CRLF3: variants seen among roughly 807,000 people sequenced by gnomAD.
The protein encoded by CRLF3 is cytokine receptor-like factor 3.
A neutral mutation model predicts 55.0 loss-of-function variants in CRLF3; 33 were observed. The observed-to-expected ratio is 0.60, with a 90% CI of 0.46 to 0.80. The LOEUF (loss-of-function observed/expected upper bound fraction) is 0.80. CRLF3 is among the 30% of genes least tolerant of loss of function. The pLI is 0.00. For missense variants in CRLF3, 494 were observed against 538.4 expected (o/e 0.92, Z 0.82); for synonymous variants, 238 against 196.8 (o/e 1.21, Z -1.75).
chr17:30,824,086 C>G (rs550420922), intron 1 of CRLF3, among the ~76,000 whole-genome samples: 10 of 152,126 alleles, frequency 6.6e-5, no homozygotes, highest in African/African-American at 2.4e-4. Flanking sequence ...TCCATTTTGT[C>G]TCCACTTTCA....
rs76079056 is a variant in CRLF3, at chr17:30,786,013, C to G, written c.978G>C (p.Gln326His). Reference protein sequence around the residue: ...TLTFRVETVGQPDRRDSIGVC... With the variant: ...TLTFRVETVGHPDRRDSIGVC... ...CTCCTATGCTATCTCTTCTGTCTGGCTGTCCCACAGTTTCAACTCTGTAAA... is the reference window on the plus strand; with the variant it reads ...CTCCTATGCTATCTCTTCTGTCTGGGTGTCCCACAGTTTCAACTCTGTAAA... Residue 326 changes from glutamine to histidine, a missense_variant, in exon 7 of 8, where the codon CAG (glutamine) becomes CAC (histidine). Gln to His is a conservative substitution (Grantham distance 24, BLOSUM62 0). Transcript: ENST00000324238. The G allele has an allele frequency of 1.9e-6, 3 of 1,606,806 alleles. No homozygotes were observed. The highest frequency in any genetic ancestry group is 2.6e-6 in the Non-Finnish European group (3 of 1,174,078).
chr17:30,801,814 T>TG (rs1462485679), intron 2 of CRLF3, among the ~76,000 whole-genome samples: 1 of 151,936 alleles, frequency 6.6e-6, no homozygotes, highest in Non-Finnish European at 1.5e-5. Flanking sequence ...ATTTTTTTTT[T>TG]AAATGCACAT....
chr17:30,798,399 CAT>C (rs1971956902), intron 2 of CRLF3, among the ~76,000 whole-genome samples: 1 of 151,052 alleles, frequency 6.6e-6, no homozygotes, highest in Non-Finnish European at 1.5e-5. Flanking sequence ...AAAAAAGTTA[CAT>C]AGAGGCATAT....
At chr17:30,810,395 G>C (rs539865751) in intron 1 of CRLF3, among the ~76,000 whole-genome samples, 1 of 151,854 alleles carries the variant, frequency 6.6e-6, no homozygotes, top group East Asian at 1.9e-4. Context: ...GTGAAACCCC[G>C]TCTCTACTAA....
At chr17:30,803,732 T>C in intron 2 of CRLF3, 169 bp downstream of exon 2, 4 of 640,536 alleles carry the variant, frequency 6.2e-6, no homozygotes, top group East Asian at 2.6e-5. Context: ...TCTGCCGCCA[T>C]GTGAGATGTG....
chr17:30,786,684 T>G (rs985994892), intron 6 of CRLF3: 1 of 138,716 alleles, frequency 7.2e-6, no homozygotes, highest in East Asian at 2.0e-4. Flanking sequence ...GCATTCTGAC[T>G]CTAGAATCAA....
intron 6 of CRLF3, among the ~76,000 whole-genome samples, chr17:30,788,335 AAAAGAAAAG>A (rs1971698561): frequency 2.1e-5 from 3 of 145,848 alleles, no homozygotes; most frequent in Admixed American, 1.4e-4. Flanking sequence ...CAAAAAAAAA[AAAAGAAAAG>A]AAAAGAAAAG....
Position 30,792,483 on chromosome 17 carries a change from A to G in CRLF3, c.916T>C (p.Ser306Pro). The G allele has an allele frequency of 6.2e-7, 1 of 1,612,984 alleles. No homozygotes were observed. Among genetic ancestry groups the G allele is most frequent in the Non-Finnish European group, 8.5e-7 (1 of 1,178,998 alleles). ...CCACAGAAATAAGTCGGAGCTCTGG[A>G]GTAGAGAACACCCGATGATTCAGAA... is the stretch of plus-strand genomic sequence containing the variant. ...NDSESSGVLY[S>P]RAPTYFCGQT... Residue 306 changes from serine to proline, a missense_variant, in exon 6 of 8, where the codon TCC (serine) becomes CCC (proline). Ser to Pro is a moderately conservative substitution (Grantham distance 74). Coordinates refer to ENST00000324238, the MANE Select transcript of CRLF3 (RefSeq NM_015986.4).
At chr17:30,799,646 A>G (rs1163588590) in intron 2 of CRLF3, among the ~76,000 whole-genome samples, 1 of 151,864 alleles carries the variant, frequency 6.6e-6, no homozygotes, top group Non-Finnish European at 1.5e-5. Context: ...CTAGGATTAC[A>G]GGTGCCCACC....
At chr17:30,819,681 T>C (rs535917673) in intron 1 of CRLF3, among the ~76,000 whole-genome samples, 11 of 152,304 alleles carry the variant, frequency 7.2e-5, no homozygotes, top group Admixed American at 3.9e-4. Context: ...TTTCACCATA[T>C]TGGCCAGGCT....
intron 1 of CRLF3, 28 bp from the exon 2 acceptor site, chr17:30,804,136 A>G: frequency 6.5e-7 from 1 of 1,530,204 alleles, no homozygotes; most frequent in Non-Finnish European, 9.0e-7. Context: ...AATACTCAAA[A>G]TCAGAATCTT....
At chr17:30,786,288 G>A (rs1050390568) in intron 6 of CRLF3, 12 of 295,084 alleles carry the variant, frequency 4.1e-5, no homozygotes, top group South Asian at 5.4e-5. Flanking sequence ...CACCCAGGCT[G>A]AAGTGCGGTG....
At chr17:30,802,367 A>G (rs1972019996) in intron 2 of CRLF3, among the ~76,000 whole-genome samples, 1 of 151,570 alleles carries the variant, frequency 6.6e-6, no homozygotes, top group Non-Finnish European at 1.5e-5. Flanking sequence ...TGATCCGCCC[A>G]CCTCCACCTC....
At position 30,792,563 on chromosome 17, in the gene CRLF3, G is replaced by T. The variant is rs546555105; in HGVS notation, c.836C>A (p.Ala279Asp). The change falls in exon 6 of 8, where the codon GCT becomes GAT. Residue 279 changes from alanine to aspartate, a missense_variant. By Grantham distance (126) the Ala-to-Asp change is moderately radical. Coordinates refer to ENST00000324238, the MANE Select transcript of CRLF3 (RefSeq NM_015986.4). ...HSTLVPHEWT[A>D]GFEGYSLSSR... Reference sequence around the variant, plus strand: ...GCTCAGACTGTACCCCTCAAAACCAGCTGTCCACTCTTTTTCAAAGCAAAG... The same window carrying T: ...GCTCAGACTGTACCCCTCAAAACCATCTGTCCACTCTTTTTCAAAGCAAAG... The T allele has an allele frequency of 6.3e-7, 1 of 1,597,144 alleles. No individual in the cohort carries two copies. Among genetic ancestry groups the T allele is most frequent in the East Asian group, 2.3e-5 (1 of 44,442 alleles).
At position 30,784,424 on chromosome 17, in the gene CRLF3, T is replaced by C; in HGVS notation, c.1092A>G (p.Gly364=). The C allele has an allele frequency of 6.2e-7, 1 of 1,612,722 alleles. No homozygotes were observed. The highest frequency in any genetic ancestry group is 8.5e-7 in the Non-Finnish European group (1 of 1,178,816). The change falls in exon 8 of 8, where the codon GGA becomes GGG. Residue 364 remains glycine (G), a synonymous_variant. Coordinates refer to ENST00000324238, the MANE Select transcript of CRLF3 (RefSeq NM_015986.4). ...CGGGTAACTGATTTGTCATTTCTTT[T>C]CCATTGACAAAAACTGCACCTAAAA... is the stretch of plus-strand genomic sequence containing the variant. ...ISTNGAVFVN[G]KEMTNQLPAV...
At chr17:30,792,755 G>C (rs1321338623) in intron 5 of CRLF3, 183 bp from the exon 6 acceptor site, 1 of 484,424 alleles carries the variant, frequency 2.1e-6, no homozygotes, top group Non-Finnish European at 3.7e-6. Flanking sequence ...AAAGATTTTA[G>C]TATATTCCTG....
intron 6 of CRLF3, among the ~76,000 whole-genome samples, chr17:30,790,116 A>G (rs1204150550): frequency 6.6e-6 from 1 of 152,146 alleles, no homozygotes; most frequent in East Asian, 1.9e-4. Context: ...ACCGCTGACA[A>G]TTCAAATTAC....
At chr17:30,797,279 AAAGT>A in intron 3 of CRLF3, 28 bp downstream of exon 3, 2 of 1,478,150 alleles carry the variant, frequency 1.4e-6, no homozygotes, top group Non-Finnish European at 1.9e-6. Context: ...TAAATGCTTA[AAAGT>A]AAGTCAAAAA....
At chr17:30,803,576 T>C (rs1972039061) in intron 2 of CRLF3, 3 of 243,834 alleles carry the variant, frequency 1.2e-5, no homozygotes, top group South Asian at 1.2e-4. Flanking sequence ...ATAATTCCCA[T>C]GTGTTGCAGG....
Sources: allele counts gnomAD v4.1 joint callset (sites outside exome capture counted in the v4.1 genomes callset), GRCh38; gene constraint gnomAD v4.1.1; transcripts MANE v1.5; gene names NCBI Gene and HGNC (gene_info 2026-07-23, HGNC 2026-07-21).